The following MCM4 variants were observed in gnomAD, a reference collection of about 807,000 sequenced individuals.
MCM4 encodes minichromosome maintenance complex component 4.
MCM4 carries 60 observed loss-of-function variants against 88.7 expected under a neutral mutation model. That is an observed-to-expected ratio of 0.68 (90% CI 0.55 to 0.84). The LOEUF (loss-of-function observed/expected upper bound fraction) is 0.84, where lower values mean the gene tolerates loss of function less well. Ranked by LOEUF, MCM4 falls within the 40% of genes least tolerant of loss-of-function variation. MCM4 has a pLI of 0.00. For synonymous variants in MCM4, 465 were observed against 410.5 expected (o/e 1.13, Z -1.61); for missense variants, 1,149 against 1,105.5 (o/e 1.04, Z -0.56).
At chr8:47,971,588 A>G (rs2090954172) in intron 13 of MCM4, 120 bp downstream of exon 13, 2 of 1,124,242 alleles carry the variant, frequency 1.8e-6, no homozygotes, top group South Asian at 1.5e-5. Context: ...AGATGTTTCA[A>G]ATTTGGTTGG....
In MCM4 at chr8:47,973,015, G is replaced by A. The variant is rs775522240; in HGVS notation, c.2087G>A (p.Ser696Asn). 1.2e-6 allele frequency: 2 copies of A among 1,614,056 alleles called. No homozygotes were observed. The highest frequency in any genetic ancestry group is 1.3e-5 in the African/African-American group (1 of 75,044). Residue 696 changes from serine (S) to asparagine (N), a missense_variant, in exon 14 of 17, where the codon AGC becomes AAC. Coordinates refer to ENST00000649973, the MANE Select transcript of MCM4 (RefSeq NM_182746.3). Reference protein sequence around the residue: ...VLKDYIAYAHSTIMPRLSEEA... With the variant: ...VLKDYIAYAHNTIMPRLSEEA... ...AAGGACTACATTGCCTACGCGCACA[G>A]CACCATCATGCCGCGGCTAAGTGAG...
intron 15 of MCM4, chr8:47,975,418 G>A (rs928244869): frequency 6.0e-5 from 11 of 183,316 alleles, no homozygotes; most frequent in Non-Finnish European, 1.1e-4. Flanking sequence ...TTTGTGTATA[G>A]TTTTAAGGAG....
At chr8:47,967,710 G>T (rs2040359) in intron 10 of MCM4, among the ~76,000 whole-genome samples, 7,703 of 152,216 alleles carry the variant, frequency 0.051, 662 homozygotes, top group African/African-American at 0.17. Flanking sequence ...TTGAATGTTG[G>T]AGCTCATGGT....
rs1178628855 is a variant in MCM4, at chr8:47,970,618, C to A, written c.1542C>A (p.Thr514=). 6.2e-7 allele frequency: 1 copy of A among 1,614,016 alleles called. No individual in the cohort carries two copies. Among genetic ancestry groups the A allele is most frequent in the Non-Finnish European group, 8.5e-7 (1 of 1,180,032 alleles). The change falls in exon 12 of 17, where the codon ACC becomes ACA. Residue 514 remains threonine, a synonymous_variant. Coordinates refer to ENST00000649973, the MANE Select transcript of MCM4 (RefSeq NM_182746.3). ...INILLCGDPG[T]SKSQLLQYVY... ...TCTTGCTGTGTGGCGACCCTGGTAC[C>A]AGCAAGTCCCAGCTGCTGCAGTACG...
Position 47,966,386 on chromosome 8 carries a change from CCTCTT to C in MCM4, c.1037_1041del (p.Phe346Ter). 1 of 1,611,832 alleles carries C rather than the reference CCTCTT, an allele frequency of 6.2e-7. No homozygotes were observed. The highest frequency in any genetic ancestry group is 8.5e-7 in the Non-Finnish European group (1 of 1,178,556). ...GCATGGCACTCATCCACAACCGCTC[CCTCTT>C]CTCTGACAAGCAGATGGTGCGCAGC... On this transcript the variant is annotated frameshift_variant, in exon 9 of 17. Coordinates refer to ENST00000649973, the MANE Select transcript of MCM4 (RefSeq NM_182746.3). LOFTEE classifies it high-confidence loss of function.
At position 47,967,382 on chromosome 8, in the gene MCM4, TC is replaced by T. The variant is rs779288901; in HGVS notation, c.1073del (p.Pro358ArgfsTer31). 8 of 1,614,214 alleles carry T rather than the reference TC, an allele frequency of 5.0e-6. No individual in the cohort carries two copies. Among genetic ancestry groups the T allele is most frequent in the Non-Finnish European group, 5.9e-6 (7 of 1,180,024 alleles). On this transcript the variant is annotated frameshift_variant, in exon 10 of 17. Coordinates refer to ENST00000649973, the MANE Select transcript of MCM4 (RefSeq NM_182746.3). LOFTEE classifies it high-confidence loss of function. ...ACCTTCAGATCAAGCTTCAGGAGTCTCCGGAAGACATGCCTGCAGGGCAGAC... is the reference window on the plus strand; with the variant it reads ...ACCTTCAGATCAAGCTTCAGGAGTCTCGGAAGACATGCCTGCAGGGCAGAC... ...DKQMIKLQES[P>X]EDMPAGQTPH...
chr8:47,962,149 C>G lies in MCM4; in HGVS notation c.332C>G (p.Pro111Arg). 1 of 1,614,196 alleles carries G rather than the reference C, an allele frequency of 6.2e-7. No homozygotes were observed. The change falls in exon 4 of 17, where the codon CCT becomes CGT. Residue 111 changes from proline to arginine, a missense_variant. Physicochemically the swap from Pro to Arg is moderately radical, Grantham distance 103 (BLOSUM62 -2). Around this residue, in one of 3 missense-constraint regions of MCM4, gnomAD observed 906 missense variants for 843.0 expected, o/e 1.07. Transcript: ENST00000649973. Reference sequence around the variant, plus strand: ...CCAAGAAGTGGTGTTAGGGGCACACCTGTGAGACAGAGGCCTGACCTGGGC... The same window carrying G: ...CCAAGAAGTGGTGTTAGGGGCACACGTGTGAGACAGAGGCCTGACCTGGGC... The part of the protein sequence containing the change: ...GTPRSGVRGT[P>R]VRQRPDLGSA...
At chr8:47,973,168 T>A (rs1019867248) in intron 14 of MCM4, 104 bp downstream of exon 14, 6 of 1,054,060 alleles carry the variant, frequency 5.7e-6, no homozygotes, top group African/African-American at 1.6e-5. Flanking sequence ...ACGAATAACA[T>A]ACTGTTCTCT....
rs759205268 is a variant in MCM4, at chr8:47,974,926, C to T, written c.2329C>T (p.Arg777Trp). ...TCTGAAGCAGTCTGCAACTGATCCC[C>T]GGACTGGCATCGTGGACATATCTAT... The part of the protein sequence containing the change: ...EALKQSATDP[R>W]TGIVDISILT... Residue 777 changes from arginine (R) to tryptophan (W), a missense_variant, in exon 15 of 17, where the codon CGG becomes TGG. Coordinates refer to ENST00000649973, the MANE Select transcript of MCM4 (RefSeq NM_182746.3). 1.2e-5 allele frequency: 20 copies of T among 1,614,010 alleles called. No homozygotes were observed. The highest frequency in any genetic ancestry group is 4.5e-5 in the East Asian group (2 of 44,894).
intron 8 of MCM4, among the ~76,000 whole-genome samples, chr8:47,965,860 G>T (rs955055635): frequency 6.6e-6 from 1 of 152,138 alleles, no homozygotes. Flanking sequence ...AAAGGCTAGG[G>T]TCAGGACTCA....
intron 14 of MCM4, chr8:47,974,415 C>A: frequency 3.3e-6 from 1 of 303,662 alleles, no homozygotes; most frequent in Non-Finnish European, 6.4e-6. Context: ...CCCCACATGC[C>A]ACATTCCTTC....
chr8:47,962,890 G>A (rs765997470), intron 6 of MCM4, 31 bp downstream of exon 6: 28 of 1,575,536 alleles, frequency 1.8e-5, no homozygotes, highest in African/African-American at 8.2e-5. Flanking sequence ...TTCAAGTTAC[G>A]TGTTTTAAAA....
chr8:47,960,964 A>T lies in MCM4; in HGVS notation c.-65A>T, dbSNP rs552020479. 2.3e-3 allele frequency: 1,383 copies of T among 588,906 alleles called. 2 individuals are homozygous for T. The highest frequency in any genetic ancestry group is 4.0e-3 in the Admixed American group (92 of 22,854). 36.5% of individuals were successfully genotyped at this position (588,906 alleles called of 1,614,324 possible). ...TCGCGGTTTGGGAGCGCTACTCGCCAGGTGGACTCGGAGTCCGCGAGCGTC... is the reference window on the plus strand; with the variant it reads ...TCGCGGTTTGGGAGCGCTACTCGCCTGGTGGACTCGGAGTCCGCGAGCGTC... On this transcript the variant is annotated 5_prime_UTR_variant, in exon 1 of 17. Transcript: ENST00000649973.
intron 12 of MCM4, among the ~76,000 whole-genome samples, 196 bp downstream of exon 12, chr8:47,971,072 G>A (rs962579892): frequency 6.6e-6 from 1 of 152,168 alleles, no homozygotes; most frequent in Non-Finnish European, 1.5e-5. Context: ...TGCTGTACTA[G>A]CCTTGAATTT....
At chr8:47,964,794 G>A in intron 8 of MCM4, 82 bp downstream of exon 8, 1 of 1,235,000 alleles carries the variant, frequency 8.1e-7, no homozygotes, top group Non-Finnish European at 1.1e-6. Flanking sequence ...GAGAAATTAT[G>A]AAAGAAGTAA....
intron 14 of MCM4, chr8:47,974,350 C>T: frequency 5.3e-6 from 1 of 190,428 alleles, no homozygotes; most frequent in Admixed American, 5.4e-5. Context: ...CCCATGTGAG[C>T]ACTTTTCCCA....
intron 10 of MCM4, 192 bp from the exon 11 acceptor site, chr8:47,969,606 C>T (rs573905960): frequency 4.7e-5 from 28 of 596,186 alleles, no homozygotes; most frequent in Non-Finnish European, 6.8e-5. Flanking sequence ...TCATAGCAAG[C>T]GGGAGCTTTG....
In MCM4 at chr8:47,978,102, A is replaced by G. The variant is rs1227797437; in HGVS notation, c.*1324A>G. 3.3e-5 allele frequency: 5 copies of G among 152,240 alleles called. No homozygotes were observed. The highest frequency in any genetic ancestry group is 2.1e-4 in the South Asian group (1 of 4,836). 9.4% of individuals were successfully genotyped at this position (152,240 alleles called of 1,614,324 possible). On this transcript the variant is annotated 3_prime_UTR_variant, in exon 17 of 17. Transcript: ENST00000649973. ...TAACAGTCATCTTTATAAAATGACC[A>G]TAGGCTAAAATCTTACGTGTAAGTA...
chr8:47,973,494 CTTT>C (rs1241184472), intron 14 of MCM4, among the ~76,000 whole-genome samples: 2 of 141,858 alleles, frequency 1.4e-5, no homozygotes, highest in Admixed American at 7.1e-5. Flanking sequence ...ATAAACTTTT[CTTT>C]TTTTTTTTTT....
Sources: gnomAD v4.1 joint callset for allele counts (sites outside exome capture counted in the v4.1 genomes callset) on GRCh38, gnomAD v4.1.1 for gene constraint, gnomAD v4.1.1 regional missense constraint, MANE v1.5 for transcripts, NCBI Gene and HGNC (gene_info 2026-07-23, HGNC 2026-07-21) for gene names.